The following SLC22A15 variants were observed in gnomAD, a reference collection of about 807,000 sequenced individuals.
SLC22A15 encodes the protein flipt 1.
SLC22A15 carries 45 observed loss-of-function variants against 62.7 expected under a neutral mutation model. The ratio of observed to expected loss-of-function variants is 0.72; its 90% CI spans 0.56 to 0.92. The LOEUF (loss-of-function observed/expected upper bound fraction) is 0.92. Ranked by LOEUF, SLC22A15 falls within the 40% of genes least tolerant of loss-of-function variation. The pLI, the probability that SLC22A15 is intolerant of heterozygous loss-of-function variation, is 0.00. For synonymous variants in SLC22A15, 264 were observed against 267.0 expected (o/e 0.99, Z 0.11); for missense variants, 622 against 665.6 (o/e 0.93, Z 0.72).
intron 3 of SLC22A15, among the ~76,000 whole-genome samples, 191 bp from the exon 4 acceptor site, chr1:116,020,530 T>G (rs1310275860): frequency 1.3e-5 from 2 of 149,174 alleles, no homozygotes; most frequent in Non-Finnish European, 3.0e-5. Flanking sequence ...CACTCCAGCC[T>G]GGGTGACAGA....
At chr1:116,050,956 A>G (rs1189187877) in intron 8 of SLC22A15, among the ~76,000 whole-genome samples, 1 of 152,102 alleles carries the variant, frequency 6.6e-6, no homozygotes, top group African/African-American at 2.4e-5. Context: ...CAAATCAAGA[A>G]CTCAACCCCT....
chr1:116,010,439 G>A lies in SLC22A15; in HGVS notation c.301-9143G>A, dbSNP rs191135653. Among the ~76,000 whole-genome samples the A allele has an allele frequency of 2.9e-3, 437 of 151,998 alleles. 3 individuals are homozygous for A. The highest frequency in any genetic ancestry group is 4.8e-3 in the Admixed American group (73 of 15,268). On this transcript the variant is annotated intron_variant, in intron 2 of 11. Coordinates refer to ENST00000369503, the MANE Select transcript of SLC22A15 (RefSeq NM_018420.3). ...TTTTTTTAATGTCTTGCTTCCTTAC[G>A]CCTGTACTACTGACTGTTATAGCCT...
intron 2 of SLC22A15, among the ~76,000 whole-genome samples, chr1:116,010,604 T>A (rs1459116491): frequency 6.6e-6 from 1 of 152,220 alleles, no homozygotes; most frequent in Non-Finnish European, 1.5e-5. Context: ...TTACCTGATT[T>A]TCTCCTGAAG....
intron 8 of SLC22A15, among the ~76,000 whole-genome samples, chr1:116,060,288 T>C (rs1379745143): frequency 2.0e-5 from 3 of 152,170 alleles, no homozygotes; most frequent in East Asian, 1.9e-4. Context: ...GCAGACCCCA[T>C]TGGCAGGCAC....
intron 2 of SLC22A15, among the ~76,000 whole-genome samples, chr1:116,005,216 C>T (rs1285672232): frequency 6.6e-6 from 1 of 152,000 alleles, no homozygotes; most frequent in East Asian, 1.9e-4. Flanking sequence ...AAAAGCATGC[C>T]TACTTAGTCT....
rs1029808926 is a variant in SLC22A15, at chr1:116,069,738, A to G, written c.*2630A>G. 1 of 152,222 alleles carries G rather than the reference A, an allele frequency of 6.6e-6. No homozygotes were observed. The highest frequency in any genetic ancestry group is 1.5e-5 in the Non-Finnish European group (1 of 68,030). 9.4% of individuals were successfully genotyped at this position (152,222 alleles called of 1,614,324 possible). A position where few individuals can be genotyped will look rare whatever the true frequency, so the allele number is the denominator to read the frequency against. The stretch of plus-strand genomic sequence containing the variant: ...ATTTAAAAATGAGCAAATAAACAAA[A>G]TGAGGCAAATAAATGAAGAAAATGA... On this transcript the variant is annotated 3_prime_UTR_variant, in exon 12 of 12. Transcript: ENST00000369503.
intron 2 of SLC22A15, among the ~76,000 whole-genome samples, chr1:115,992,968 G>A (rs1235896671): frequency 1.3e-5 from 2 of 151,948 alleles, no homozygotes; most frequent in Admixed American, 6.6e-5. Context: ...GACCATATGG[G>A]GCACCTTGAC....
intron 2 of SLC22A15, among the ~76,000 whole-genome samples, chr1:116,008,451 T>C (rs1237960339): frequency 6.6e-6 from 1 of 152,172 alleles, no homozygotes; most frequent in East Asian, 1.9e-4. Flanking sequence ...GGTTAATGTA[T>C]AGCTACCAGT....
At position 115,999,682 on chromosome 1, in the gene SLC22A15, T is replaced by G. The variant is rs1016696183; in HGVS notation, c.300+7439T>G. ...CCATGCCCAGCTAATTTTCTGTATT[T>G]TAGTAGTGATGGTGTTTCATGGGGT... On this transcript the variant is annotated intron_variant, in intron 2 of 11. Transcript: ENST00000369503. 2.0e-5 allele frequency among the ~76,000 whole-genome samples: 3 copies of G among 152,052 alleles called. No homozygotes were observed. The East Asian group carries it at 5.8e-4, about 29-fold the overall frequency.
rs532628482 is a variant in SLC22A15 at position 116,057,946 on chromosome 1, T to C, written c.1172-4816T>C. Among the ~76,000 whole-genome samples the C allele has an allele frequency of 5.3e-4, 80 of 152,044 alleles. 1 individual carries two copies. Among genetic ancestry groups the C allele is most frequent in the Admixed American group, 4.2e-3 (64 of 15,272 alleles). ...GGGAGAAGGATAGCATTAGGAGATA[T>C]ACCTAATGCTAAATGACGAGTTAAT... On this transcript the variant is annotated intron_variant, in intron 8 of 11. Coordinates refer to ENST00000369503, the MANE Select transcript of SLC22A15 (RefSeq NM_018420.3).
At chr1:116,049,967 C>CGTGT in intron 8 of SLC22A15, among the ~76,000 whole-genome samples, 1 of 152,070 alleles carries the variant, frequency 6.6e-6, no homozygotes, top group Non-Finnish European at 1.5e-5. Flanking sequence ...ACTATGAACA[C>CGTGT]CTTCACACAC....
At position 116,019,560 on chromosome 1, in the gene SLC22A15, CTT is replaced by C; in HGVS notation, c.301-19_301-18del. On this transcript the variant is annotated intron_variant, in intron 2 of 11. Coordinates refer to ENST00000369503, the MANE Select transcript of SLC22A15 (RefSeq NM_018420.3). ...AGCTAACTGAATCCTACATGTCTCT[CTT>C]TTGTTTTATCTTCCTCTAGTGGTTT... The C allele has an allele frequency of 6.3e-7, 1 of 1,577,908 alleles. No individual in the cohort carries two copies. Among genetic ancestry groups the C allele is most frequent in the Non-Finnish European group, 8.6e-7 (1 of 1,168,822 alleles).
chr1:116,061,526 A>G (rs566614311), intron 8 of SLC22A15, among the ~76,000 whole-genome samples: 17 of 152,282 alleles, frequency 1.1e-4, no homozygotes, highest in Admixed American at 9.2e-4. Context: ...GGACAGGTGC[A>G]TTGGAGAAAA....
chr1:116,025,603 A>G (rs1327403504), intron 4 of SLC22A15, among the ~76,000 whole-genome samples: 1 of 152,234 alleles, frequency 6.6e-6, no homozygotes, highest in Non-Finnish European at 1.5e-5. Flanking sequence ...TGGAATGCCC[A>G]CAGAAATTGC....
chr1:115,992,283 C>T (rs373343662), intron 2 of SLC22A15, 40 bp downstream of exon 2: 14 of 1,481,054 alleles, frequency 9.5e-6, no homozygotes, highest in African/African-American at 2.8e-5. Context: ...AAATGTCTCT[C>T]TTTGTCCACA....
intron 5 of SLC22A15, among the ~76,000 whole-genome samples, chr1:116,029,289 T>C (rs982406365): frequency 1.1e-4 from 17 of 152,232 alleles, no homozygotes; most frequent in African/African-American, 3.6e-4. Flanking sequence ...TTTACTTTTT[T>C]TCTGAAAACC....
chr1:116,020,941 A>G, intron 4 of SLC22A15, 56 bp downstream of exon 4: 1 of 1,486,408 alleles, frequency 6.7e-7, no homozygotes, highest in Non-Finnish European at 9.1e-7. Context: ...AAAATTTTAT[A>G]GGGACCCAGT....
At chr1:116,053,758 T>C (rs1310567023) in intron 8 of SLC22A15, among the ~76,000 whole-genome samples, 1 of 151,962 alleles carries the variant, frequency 6.6e-6, no homozygotes, top group East Asian at 1.9e-4. Context: ...TTCAACATTC[T>C]TAAAGAAAAG....
intron 2 of SLC22A15, among the ~76,000 whole-genome samples, chr1:116,000,625 C>CTTTTTTTTTTTTTTTTTTT (rs56303802): frequency 1.1e-5 from 1 of 88,214 alleles, no homozygotes; most frequent in Non-Finnish European, 2.2e-5. Flanking sequence ...CTTTTTTTTC[C>CTTTTTTTTTTTTTTTTTTT]TTTTTTTTTT....
Sources: gnomAD v4.1 joint callset for allele counts (sites outside exome capture counted in the v4.1 genomes callset) on GRCh38, gnomAD v4.1.1 for gene constraint, MANE v1.5 for transcripts, NCBI Gene and HGNC (gene_info 2026-07-23, HGNC 2026-07-21) for gene names.